Variants in RERE observed in about 807,000 individuals in gnomAD.
RERE encodes the protein arginine-glutamic acid dipeptide repeats protein.
RERE carries 40 observed loss-of-function variants against 146.1 expected under a neutral mutation model. The observed-to-expected ratio is 0.27, with a 90% CI of 0.21 to 0.36. The LOEUF is 0.36. Ranked by LOEUF, RERE falls within the 10% of genes least tolerant of loss-of-function variation. RERE has a pLI of 1.00. For missense variants in RERE, 1,933 were observed against 2,138.7 expected (o/e 0.90, Z 1.90); for synonymous variants, 1,003 against 866.0 (o/e 1.16, Z -2.78).
intron 1 of RERE, among the ~76,000 whole-genome samples, chr1:8,695,587 T>TTAA (rs1176262941): frequency 5.4e-5 from 2 of 36,728 alleles, no homozygotes; most frequent in Non-Finnish European, 9.3e-5. Flanking sequence ...CCATTTCTAC[T>TTAA]AAAAAAAAAA....
intron 6 of RERE, among the ~76,000 whole-genome samples, chr1:8,552,742 G>A (rs1428938396): frequency 6.6e-6 from 1 of 152,202 alleles, no homozygotes; most frequent in African/African-American, 2.4e-5. Context: ...TGGGAGTAAT[G>A]GGACAGGCAA....
chr1:8,400,492 T>A (rs1344962033), intron 12 of RERE, among the ~76,000 whole-genome samples: 1 of 152,048 alleles, frequency 6.6e-6, no homozygotes, highest in Non-Finnish European at 1.5e-5. Flanking sequence ...CCTCAAGTGA[T>A]CCTCCCTCTT....
At chr1:8,409,810 C>T (rs906771104) in intron 12 of RERE, among the ~76,000 whole-genome samples, 6 of 152,062 alleles carry the variant, frequency 3.9e-5, no homozygotes, top group Admixed American at 2.6e-4. Flanking sequence ...GGCCTGGCGA[C>T]ATGATCAAAG....
At chr1:8,383,865 T>C (rs200570253) in intron 12 of RERE, among the ~76,000 whole-genome samples, 3 of 148,324 alleles carry the variant, frequency 2.0e-5, no homozygotes, top group African/African-American at 7.5e-5. Flanking sequence ...TCTCAAAAAA[T>C]AAATAAAATA....
chr1:8,611,118 C>T (rs920475172), intron 4 of RERE, among the ~76,000 whole-genome samples: 1 of 152,000 alleles, frequency 6.6e-6, no homozygotes. Context: ...TTGCTTGAAC[C>T]CGGGAGGCGG....
Position 8,358,809 on chromosome 1 carries a change from C to A in RERE, c.3726G>T (p.Val1242=), listed in dbSNP as rs1369834904. 3.7e-6 allele frequency: 6 copies of A among 1,611,880 alleles called. No homozygotes were observed. The South Asian group carries it at 4.4e-5, about 12-fold the overall frequency. Residue 1242 remains valine, a synonymous_variant, in exon 20 of 23, where the codon GTG becomes GTT. Coordinates refer to ENST00000400908, the MANE Select transcript of RERE (RefSeq NM_001042681.2). ...GTGTGTCGGGCCCGATGTAGGGGGG[C>A]ACAGCAGCAATGGTGGTTGGTGGTG... is the stretch of plus-strand genomic sequence containing the variant. ...FEPPPTTIAA[V]PPYIGPDTPA... is the part of the protein sequence containing the mutation.
intron 4 of RERE, among the ~76,000 whole-genome samples, chr1:8,580,375 C>A (rs182793920): frequency 6.6e-6 from 1 of 152,222 alleles, no homozygotes; most frequent in African/African-American, 2.4e-5. Context: ...ACGTGCTAGA[C>A]GAGTGAAAGC....
intron 2 of RERE, among the ~76,000 whole-genome samples, chr1:8,632,904 G>T (rs979251750): frequency 6.6e-6 from 1 of 151,856 alleles, no homozygotes; most frequent in African/African-American, 2.4e-5. Context: ...CTACTAATAC[G>T]GATTTTTTTA....
At chr1:8,520,750 T>C (rs77282918) in intron 7 of RERE, among the ~76,000 whole-genome samples, 2 of 45,252 alleles carry the variant, frequency 4.4e-5, no homozygotes, top group Non-Finnish European at 1.0e-4. Flanking sequence ...GCCAAAAAAC[T>C]TTTTAAAAAA....
At chr1:8,612,791 G>A (rs1466243404) in intron 4 of RERE, among the ~76,000 whole-genome samples, 1 of 152,158 alleles carries the variant, frequency 6.6e-6, no homozygotes, top group African/African-American at 2.4e-5. Context: ...ATTGCTAAAG[G>A]CTGAAGCTTT....
intron 2 of RERE, among the ~76,000 whole-genome samples, chr1:8,640,504 G>A (rs576804958): frequency 1.4e-4 from 22 of 152,292 alleles, no homozygotes; most frequent in African/African-American, 4.1e-4. Flanking sequence ...AAACATAACT[G>A]AATAGGGAAA....
chr1:8,531,907 T>C (rs1645659084), intron 7 of RERE, among the ~76,000 whole-genome samples: 2 of 152,192 alleles, frequency 1.3e-5, no homozygotes, highest in African/African-American at 2.4e-5. Context: ...AATTGTACAT[T>C]TTAAAATAAC....
chr1:8,645,847 T>C (rs753299506), intron 2 of RERE, among the ~76,000 whole-genome samples: 1 of 152,234 alleles, frequency 6.6e-6, no homozygotes, highest in African/African-American at 2.4e-5. Flanking sequence ...GAATTGTCTT[T>C]CACATACGTG....
chr1:8,437,526 T>A (rs1278784441), intron 11 of RERE, among the ~76,000 whole-genome samples: 1 of 150,926 alleles, frequency 6.6e-6, no homozygotes, highest in Admixed American at 6.6e-5. Context: ...TTCAAGAGAG[T>A]CCCCCAAGGG....
intron 7 of RERE, among the ~76,000 whole-genome samples, chr1:8,524,815 T>TTCCC (rs1183745294): frequency 6.6e-6 from 1 of 152,170 alleles, no homozygotes; most frequent in East Asian, 1.9e-4. Context: ...AAAGCACAAC[T>TTCCC]TCCCCTGGGT....
chr1:8,600,726 A>T (rs1646611306), intron 4 of RERE, among the ~76,000 whole-genome samples: 1 of 151,550 alleles, frequency 6.6e-6, no homozygotes, highest in African/African-American at 2.4e-5. Flanking sequence ...ACACAGAAAA[A>T]ATTACACTGA....
chr1:8,588,181 T>C (rs11121203), intron 4 of RERE, among the ~76,000 whole-genome samples: 24,719 of 152,232 alleles, frequency 0.16, 2,417 homozygotes, highest in Middle Eastern at 0.26. Flanking sequence ...CTGTTCTTCA[T>C]GCAGTATTTA....
chr1:8,659,839 T>A (rs768465570), intron 1 of RERE, among the ~76,000 whole-genome samples: 1 of 152,182 alleles, frequency 6.6e-6, no homozygotes, highest in African/African-American at 2.4e-5. Flanking sequence ...AATTGTACAT[T>A]CAACACTACT....
chr1:8,374,792 T>C (rs1642176095), intron 12 of RERE, among the ~76,000 whole-genome samples: 1 of 152,246 alleles, frequency 6.6e-6, no homozygotes, highest in South Asian at 2.1e-4. Context: ...CTCACGGCCT[T>C]TGGCTTATGT....
Sources: allele counts gnomAD v4.1 joint callset (sites outside exome capture counted in the v4.1 genomes callset), GRCh38; gene constraint gnomAD v4.1.1; transcripts MANE v1.5; gene names NCBI Gene and HGNC (gene_info 2026-07-23, HGNC 2026-07-21).